Variants in ALCAM observed in about 807,000 individuals in gnomAD.
The protein encoded by ALCAM is activated leukocyte cell adhesion molecule, also known as CD166 antigen.
In ALCAM, 30 loss-of-function variants were observed where a neutral mutation model predicts 70.9. The observed-to-expected ratio is 0.42, with a 90% CI of 0.32 to 0.57. ALCAM has a LOEUF of 0.57. Among genes scored for constraint, ALCAM ranks in the 20% least tolerant of loss-of-function variants. The pLI is 0.11. For missense variants in ALCAM, 591 were observed against 695.1 expected (o/e 0.85, Z 1.68); for synonymous variants, 249 against 242.5 (o/e 1.03, Z -0.25).
chr3:105,495,514 C>CA (rs926059202), intron 1 of ALCAM, among the ~76,000 whole-genome samples: 4 of 151,036 alleles, frequency 2.6e-5, no homozygotes, highest in Non-Finnish European at 5.9e-5. Context: ...AGCCCTGGTT[C>CA]AAAAAAATGA....
At chr3:105,369,542 C>T (rs1935171077) in intron 1 of ALCAM, among the ~76,000 whole-genome samples, 2 of 152,138 alleles carry the variant, frequency 1.3e-5, no homozygotes, top group African/African-American at 2.4e-5. Flanking sequence ...AAGGTTACAG[C>T]ACTAAAGGCG....
intron 1 of ALCAM, among the ~76,000 whole-genome samples, chr3:105,509,889 A>G (rs989275529): frequency 3.3e-5 from 5 of 152,026 alleles, no homozygotes; most frequent in Non-Finnish European, 7.4e-5. Flanking sequence ...TGTTAAACTC[A>G]TTTTTTGTAT....
At chr3:105,422,255 GGGT>G in intron 1 of ALCAM, among the ~76,000 whole-genome samples, 1 of 151,362 alleles carries the variant, frequency 6.6e-6, no homozygotes, top group Non-Finnish European at 1.5e-5. Flanking sequence ...TAGGCACTTA[GGGT>G]GGTTCCATAT....
At chr3:105,431,799 A>T (rs1165976284) in intron 1 of ALCAM, among the ~76,000 whole-genome samples, 1 of 152,160 alleles carries the variant, frequency 6.6e-6, no homozygotes, top group African/African-American at 2.4e-5. Context: ...GTGGAAGTGC[A>T]GCATTATCAT....
At chr3:105,399,745 C>A (rs1286777813) in intron 1 of ALCAM, among the ~76,000 whole-genome samples, 1 of 152,052 alleles carries the variant, frequency 6.6e-6, no homozygotes, top group Admixed American at 6.6e-5. Flanking sequence ...ACCATGAAAA[C>A]CTGCCCTCCC....
intron 1 of ALCAM, among the ~76,000 whole-genome samples, chr3:105,420,461 C>T (rs1165222030): frequency 6.6e-6 from 1 of 151,710 alleles, no homozygotes; most frequent in African/African-American, 2.4e-5. Flanking sequence ...TGCATCTAAA[C>T]TTCAGCCAAA....
chr3:105,534,910 T>G (rs527448102), intron 6 of ALCAM, 65 bp downstream of exon 6: 2 of 1,419,832 alleles, frequency 1.4e-6, no homozygotes, highest in African/African-American at 2.9e-5. Context: ...ATGCTATTAA[T>G]CTTTGAGGTC....
At chr3:105,534,557 C>T (rs1939921929) in intron 5 of ALCAM, 106 bp from the exon 6 acceptor site, 1 of 1,080,260 alleles carries the variant, frequency 9.3e-7, no homozygotes, top group East Asian at 2.4e-5. Context: ...CTGCTGAATA[C>T]AGTTAGAAGG....
At chr3:105,394,774 AT>A (rs1181632394) in intron 1 of ALCAM, among the ~76,000 whole-genome samples, 1 of 151,916 alleles carries the variant, frequency 6.6e-6, no homozygotes, top group South Asian at 2.1e-4. Flanking sequence ...TTCTTTTTCC[AT>A]TTTAATATTA....
chr3:105,480,344 G>A (rs917864625), intron 1 of ALCAM, among the ~76,000 whole-genome samples: 2 of 150,492 alleles, frequency 1.3e-5, no homozygotes, highest in African/African-American at 2.4e-5. Flanking sequence ...AGAGCAAGAT[G>A]TTGTCTCAAT....
intron 1 of ALCAM, among the ~76,000 whole-genome samples, chr3:105,474,537 T>TA (rs1938038649): frequency 1.3e-5 from 2 of 151,302 alleles, no homozygotes. Context: ...TCTAATTTGC[T>TA]AAAAAAGCTC....
intron 1 of ALCAM, among the ~76,000 whole-genome samples, chr3:105,476,077 T>C (rs1938099949): frequency 2.6e-5 from 4 of 152,144 alleles, no homozygotes; most frequent in African/African-American, 9.6e-5. Flanking sequence ...CCTGTATTTC[T>C]AATCCAATGG....
At chr3:105,433,877 A>G (rs1342776796) in intron 1 of ALCAM, among the ~76,000 whole-genome samples, 2 of 150,992 alleles carry the variant, frequency 1.3e-5, no homozygotes, top group African/African-American at 4.9e-5. Context: ...TGAATCTACC[A>G]ATTAAAGTCT....
At chr3:105,545,859 T>C (rs1221235113) in intron 9 of ALCAM, among the ~76,000 whole-genome samples, 3 of 151,492 alleles carry the variant, frequency 2.0e-5, no homozygotes, top group Non-Finnish European at 4.4e-5. Context: ...GTCTCTCTGC[T>C]GCTGAGACCA....
chr3:105,458,420 G>A (rs1049001626), intron 1 of ALCAM, among the ~76,000 whole-genome samples: 3 of 152,140 alleles, frequency 2.0e-5, no homozygotes, highest in African/African-American at 7.2e-5. Flanking sequence ...TCCTACTCCA[G>A]CATGCAGAGA....
intron 1 of ALCAM, among the ~76,000 whole-genome samples, chr3:105,388,426 G>A (rs1403667682): frequency 2.6e-5 from 4 of 151,562 alleles, no homozygotes; most frequent in Non-Finnish European, 5.9e-5. Flanking sequence ...TTTTGAGGAA[G>A]ACTCAGGGAC....
chr3:105,499,929 G>A (rs902559832), intron 1 of ALCAM, among the ~76,000 whole-genome samples: 3 of 152,142 alleles, frequency 2.0e-5, no homozygotes, highest in Admixed American at 6.5e-5. Flanking sequence ...TAGAATTGCC[G>A]TACCCTTAAT....
chr3:105,380,758 G>C (rs932281281), intron 1 of ALCAM, among the ~76,000 whole-genome samples: 2 of 151,564 alleles, frequency 1.3e-5, no homozygotes, highest in Non-Finnish European at 2.9e-5. Flanking sequence ...CCAATTCTCT[G>C]GTATATTTAA....
At chr3:105,376,703 C>T (rs1200562483) in intron 1 of ALCAM, among the ~76,000 whole-genome samples, 1 of 152,078 alleles carries the variant, frequency 6.6e-6, no homozygotes, top group Non-Finnish European at 1.5e-5. Flanking sequence ...ACAAAGGGGC[C>T]AGATCTAGTC....
Sources: gnomAD v4.1 joint callset for allele counts (sites outside exome capture counted in the v4.1 genomes callset) on GRCh38, gnomAD v4.1.1 for gene constraint, MANE v1.5 for transcripts, NCBI Gene and HGNC (gene_info 2026-07-23, HGNC 2026-07-21) for gene names.